Variants in LRRC49 observed in about 807,000 individuals in gnomAD.
LRRC49 encodes the protein leucine rich repeat containing 49, also known as leucine-rich repeat-containing protein 49.
LRRC49 carries 50 observed loss-of-function variants against 83.3 expected under a neutral mutation model. The ratio of observed to expected loss-of-function variants is 0.60; its 90% confidence interval spans 0.48 to 0.76. The LOEUF (loss-of-function observed/expected upper bound fraction) is 0.76. LRRC49 is among the 30% of genes least tolerant of loss of function. The probability of loss-of-function intolerance (pLI) is 0.00; values close to 1 mark genes in which losing one functional copy is unlikely to be tolerated. For missense variants in LRRC49, 704 were observed against 809.1 expected (o/e 0.87, Z 1.58); for synonymous variants, 286 against 283.3 (o/e 1.01, Z -0.10).
upstream of LRRC49, chr15:70,892,051 G>A (rs754422457): frequency 3.1e-6 from 5 of 1,613,644 alleles, no homozygotes; most frequent in East Asian, 2.2e-5. Flanking sequence ...GCTGGGAGAA[G>A]CGCAGGTTCT....
intron 10 of LRRC49, 91 bp downstream of exon 10, chr15:70,980,275 C>A (rs2037353775): frequency 1.2e-6 from 1 of 862,864 alleles, no homozygotes. Context: ...AAAGTGGTTT[C>A]TAAACTTTGT....
intron 15 of LRRC49, among the ~76,000 whole-genome samples, chr15:71,043,607 C>T (rs556920368): frequency 1.1e-3 from 173 of 152,234 alleles, no homozygotes; most frequent in African/African-American, 4.0e-3. Flanking sequence ...ACTTATAGGG[C>T]ATATTGTAAG....
In LRRC49 at chr15:70,975,828, G is replaced by A. The variant is rs181418943; in HGVS notation, c.922-4273G>A. Among the ~76,000 whole-genome samples, 260 of 151,968 alleles carry A rather than the reference G, an allele frequency of 1.7e-3. 2 individuals are homozygous for A. Among genetic ancestry groups the A allele is most frequent in the Non-Finnish European group, 5.2e-4 (35 of 67,952 alleles). The stretch of plus-strand genomic sequence containing the variant: ...AAAAAGGAGCTCATCTCATGTGTAC[G>A]TTTTCTGTTTTGGTAGACATTACTA... On this transcript the variant is annotated intron_variant, in intron 9 of 15. Coordinates refer to ENST00000260382, the MANE Select transcript of LRRC49 (RefSeq NM_017691.5).
At position 71,053,623 on chromosome 15, in the gene LRRC49, A is replaced by G. The variant is rs551099559; in HGVS notation, c.*4011A>G. ...CAGTACTTGTTTATGCTATCTTTATATTTAAGAGAATAAACCTATCACTTG... is the reference window on the plus strand; with the variant it reads ...CAGTACTTGTTTATGCTATCTTTATGTTTAAGAGAATAAACCTATCACTTG... On this transcript the variant is annotated 3_prime_UTR_variant, in exon 16 of 16. Transcript: ENST00000260382. 2.0e-5 allele frequency: 3 copies of G among 152,520 alleles called. No homozygotes were observed. In the East Asian group the frequency reaches 5.8e-4, roughly 29 times the overall value. 9.4% of individuals were successfully genotyped at this position (152,520 alleles called of 1,614,324 possible).
At chr15:70,867,472 C>T (rs1045476591) in intron 1 of LRRC49, among the ~76,000 whole-genome samples, 1 of 152,110 alleles carries the variant, frequency 6.6e-6, no homozygotes, top group Non-Finnish European at 1.5e-5. Flanking sequence ...TGGCCTATGA[C>T]CTCATTTAAC....
At chr15:70,942,935 A>G (rs1354920088) in intron 8 of LRRC49, among the ~76,000 whole-genome samples, 1 of 152,254 alleles carries the variant, frequency 6.6e-6, no homozygotes, top group African/African-American at 2.4e-5. Context: ...CTATATAAAT[A>G]GCTGTTTTAA....
intron 2 of LRRC49, 78 bp from the exon 3 acceptor site, chr15:70,895,771 T>C: frequency 1.3e-6 from 1 of 791,228 alleles, no homozygotes; most frequent in African/African-American, 1.7e-5. Context: ...TCAGTTATTA[T>C]ATGTTTTTTT....
intron 8 of LRRC49, among the ~76,000 whole-genome samples, chr15:70,937,191 C>T (rs2035629279): frequency 6.6e-6 from 1 of 152,154 alleles, no homozygotes; most frequent in Non-Finnish European, 1.5e-5. Context: ...TGTATAGCTA[C>T]TAAGCAATTT....
chr15:70,877,720 T>C (rs985688236), intron 2 of LRRC49, among the ~76,000 whole-genome samples: 5 of 152,236 alleles, frequency 3.3e-5, no homozygotes, highest in African/African-American at 1.2e-4. Context: ...GATATGGGTA[T>C]GTTACCTTCA....
intron 6 of LRRC49, 99 bp downstream of exon 6, chr15:70,911,697 GTTTC>G: frequency 1.4e-6 from 1 of 719,502 alleles, no homozygotes; most frequent in Non-Finnish European, 2.3e-6. Context: ...TTTTTCAAGA[GTTTC>G]TTTATTGATT....
chr15:70,903,797 G>A (rs1203027239), intron 4 of LRRC49, among the ~76,000 whole-genome samples: 8 of 152,054 alleles, frequency 5.3e-5, no homozygotes, highest in East Asian at 1.9e-4. Context: ...AAAGGGCCCT[G>A]AACTTATTTA....
chr15:70,926,837 A>G (rs2035220371), intron 7 of LRRC49, among the ~76,000 whole-genome samples: 2 of 152,298 alleles, frequency 1.3e-5, no homozygotes, highest in South Asian at 2.1e-4. Context: ...TACTCATCTG[A>G]CAAAGGGCTA....
intron 8 of LRRC49, among the ~76,000 whole-genome samples, chr15:70,955,017 C>T (rs926392935): frequency 1.3e-5 from 2 of 151,352 alleles, no homozygotes; most frequent in East Asian, 2.0e-4. Flanking sequence ...GCGTTGTGGC[C>T]GGGAGGCACT....
At chr15:70,860,025 G>C in intron 1 of LRRC49, 1 of 746,250 alleles carries the variant, frequency 1.3e-6, no homozygotes. Flanking sequence ...CTCAGCTACA[G>C]CCTGGGCTCC....
intron 14 of LRRC49, among the ~76,000 whole-genome samples, chr15:71,025,150 C>T (rs948028366): frequency 1.5e-4 from 23 of 152,164 alleles, no homozygotes; most frequent in Admixed American, 1.3e-4. Flanking sequence ...GAGAACTTCC[C>T]GTACCTAACA....
chr15:70,953,481 T>G (rs1477748160), intron 8 of LRRC49, among the ~76,000 whole-genome samples: 1 of 152,222 alleles, frequency 6.6e-6, no homozygotes, highest in African/African-American at 2.4e-5. Context: ...GCTTATAAGG[T>G]TTCTACTAAA....
intron 1 of LRRC49, among the ~76,000 whole-genome samples, chr15:70,853,734 T>C (rs1473582395): frequency 6.6e-6 from 1 of 152,148 alleles, no homozygotes; most frequent in East Asian, 1.9e-4. Context: ...GGGCCGGTTC[T>C]GACTCAGGGG....
intron 7 of LRRC49, among the ~76,000 whole-genome samples, chr15:70,934,817 G>C (rs2035541358): frequency 6.6e-6 from 1 of 152,160 alleles, no homozygotes; most frequent in African/African-American, 2.4e-5. Flanking sequence ...TCTCCAGGTT[G>C]AGTGCCAATA....
chr15:70,987,612 G>A (rs1472271009), intron 11 of LRRC49, among the ~76,000 whole-genome samples: 1 of 151,420 alleles, frequency 6.6e-6, no homozygotes, highest in Non-Finnish European at 1.5e-5. Context: ...ATTTTTTGAA[G>A]GGTTTTTTGT....
Sources: allele counts gnomAD v4.1 joint callset (sites outside exome capture counted in the v4.1 genomes callset), GRCh38; gene constraint gnomAD v4.1.1; transcripts MANE v1.5; gene names NCBI Gene and HGNC (gene_info 2026-07-23, HGNC 2026-07-21).